Variants in NBPF15 observed in about 807,000 individuals in gnomAD.
The protein encoded by NBPF15 is NBPF family member NBPF15.
A neutral mutation model predicts 62.2 loss-of-function variants in NBPF15; 74 were observed. The ratio of observed to expected loss-of-function variants is 1.19; its 90% CI spans 0.99 to 1.44. The LOEUF is 1.44. NBPF15 is among the 40% of genes most tolerant of loss of function. NBPF15 has a pLI of 0.00. For synonymous variants in NBPF15, 244 were observed against 209.7 expected (o/e 1.16, Z -1.41); for missense variants, 790 against 550.0 (o/e 1.44, Z -4.36).
chr1:144,427,067 G>A lies in NBPF15; in HGVS notation c.1245C>T (p.Asp415=), dbSNP rs1486021967. ...EIEKYQEVEE[D]QDPSCPRLSR... ...GTTACCTGGGGCATGATGGGTCTTG[G>A]TCTTCTTCCACTTCTTGGTACTTTT... The change falls in exon 17 of 22, where the codon GAC becomes GAT. Residue 415 remains aspartate (D), a synonymous_variant. Coordinates refer to ENST00000581897, the MANE Select transcript of NBPF15 (RefSeq NM_001385408.1). 34 of 698,740 alleles carry A rather than the reference G, an allele frequency of 4.9e-5. No individual in the cohort carries two copies. Among genetic ancestry groups the A allele is most frequent in the African/African-American group, 8.1e-5 (4 of 49,462 alleles). The allele number at this position is 698,740 out of a possible 1,614,324, so 43.3% of individuals were successfully genotyped here.
Position 144,460,882 on chromosome 1 carries a change from C to T in NBPF15, c.-858G>A, listed in dbSNP as rs1157436592. The T allele has an allele frequency of 6.6e-6, 1 of 151,636 alleles. No individual in the cohort carries two copies. The highest frequency in any genetic ancestry group is 1.5e-5 in the Non-Finnish European group (1 of 67,960). 9.4% of individuals were successfully genotyped at this position (151,636 alleles called of 1,614,324 possible). The stretch of plus-strand genomic sequence containing the variant: ...TGAATTAGAGGCCTGCCCCGCTAGT[C>T]ATGAGGTGATTCAGTGACTGCTACA... On this transcript the variant is annotated 5_prime_UTR_variant, in exon 2 of 22. The change abolishes an upstream ATG in the 5' untranslated region. Transcript: ENST00000581897.
chr1:144,452,310 G>A (rs1691695816), intron 4 of NBPF15, among the ~76,000 whole-genome samples: 1 of 151,918 alleles, frequency 6.6e-6, no homozygotes, highest in South Asian at 2.1e-4. Context: ...CAGCACAGAT[G>A]AACCAATTCA....
intron 8 of NBPF15, among the ~76,000 whole-genome samples, chr1:144,438,690 C>G (rs1314159869): frequency 1.3e-5 from 2 of 151,894 alleles, no homozygotes; most frequent in African/African-American, 4.8e-5. Context: ...AATAAATGTT[C>G]TAGGAGATTG....
chr1:144,448,297 A>G (rs1247337456), intron 6 of NBPF15, among the ~76,000 whole-genome samples: 1 of 152,032 alleles, frequency 6.6e-6, no homozygotes, highest in Non-Finnish European at 1.5e-5. Flanking sequence ...TTTTGGAAGC[A>G]TGTATCCTAA....
intron 1 of NBPF15, among the ~76,000 whole-genome samples, 162 bp from the exon 2 acceptor site, chr1:144,461,123 C>T (rs1269811852): frequency 1.3e-4 from 20 of 151,802 alleles, no homozygotes; most frequent in Non-Finnish European, 2.5e-4. Flanking sequence ...TACACGAGGA[C>T]GTGCCCCCGA....
At chr1:144,453,620 GAACTA>G (rs1383060502) in intron 4 of NBPF15, among the ~76,000 whole-genome samples, 2 of 61,612 alleles carry the variant, frequency 3.2e-5, no homozygotes, top group Non-Finnish European at 6.4e-5. Context: ...AGAATTCTGA[GAACTA>G]AACAACACAA....
intron 4 of NBPF15, among the ~76,000 whole-genome samples, chr1:144,451,745 C>A (rs1306706134): frequency 4.6e-5 from 7 of 151,302 alleles, no homozygotes; most frequent in African/African-American, 1.7e-4. Context: ...GGTAGGGTTA[C>A]AGATTAACAG....
Position 144,439,848 on chromosome 1 carries a change from GGCCAGGAA to G in NBPF15, c.148_155del (p.Phe50GlnfsTer9). The G allele has an allele frequency of 1.9e-6, 3 of 1,606,290 alleles. No individual in the cohort carries two copies. The highest frequency in any genetic ancestry group is 2.6e-6 in the Non-Finnish European group (3 of 1,176,030). On this transcript the variant is annotated frameshift_variant, in exon 8 of 22. Coordinates refer to ENST00000581897, the MANE Select transcript of NBPF15 (RefSeq NM_001385408.1). LOFTEE classifies it high-confidence loss of function. ...TCTTACTGTATTTCTTCTGTCGGTT[GGCCAGGAA>G]GCCGGCCAGTTGAGTTAGAAAACAT...
intron 4 of NBPF15, among the ~76,000 whole-genome samples, chr1:144,453,729 C>CA (rs1692710015): frequency 7.0e-6 from 1 of 142,318 alleles, no homozygotes; most frequent in South Asian, 2.3e-4. Context: ...GAAAGATGCT[C>CA]AAAATCATTT....
chr1:144,458,818 T>A (rs1191233729), intron 3 of NBPF15, among the ~76,000 whole-genome samples: 1 of 151,806 alleles, frequency 6.6e-6, no homozygotes, highest in Non-Finnish European at 1.5e-5. Flanking sequence ...AGTGGGAAGA[T>A]TACTTGAGCC....
chr1:144,445,095 T>A (rs1686317559), intron 6 of NBPF15, among the ~76,000 whole-genome samples: 1 of 151,438 alleles, frequency 6.6e-6, no homozygotes, highest in African/African-American at 2.4e-5. Flanking sequence ...TTGCACTGAT[T>A]GATCTCCCTG....
At chr1:144,433,478 CA>C (rs1336081008) in intron 13 of NBPF15, among the ~76,000 whole-genome samples, 36 of 147,278 alleles carry the variant, frequency 2.4e-4, no homozygotes, top group Non-Finnish European at 5.4e-4. Flanking sequence ...GATAGAGACA[CA>C]AAAAACCCTT....
chr1:144,451,472 A>T (rs1286776139), intron 4 of NBPF15, among the ~76,000 whole-genome samples: 1 of 151,580 alleles, frequency 6.6e-6, no homozygotes, highest in Non-Finnish European at 1.5e-5. Context: ...GGGGACAGTC[A>T]GGTCTTTCCC....
intron 4 of NBPF15, among the ~76,000 whole-genome samples, chr1:144,456,216 A>C: frequency 7.0e-6 from 1 of 143,152 alleles, no homozygotes; most frequent in Admixed American, 6.9e-5. Flanking sequence ...AAGAGACGGA[A>C]ATGGGGGCAG....
Position 144,423,045 on chromosome 1 carries a change from C to G in NBPF15, c.1981G>C (p.Val661Leu), listed in dbSNP as rs782739043. The G allele has an allele frequency of 6.2e-7, 1 of 1,611,592 alleles. No homozygotes were observed. The highest frequency in any genetic ancestry group is 8.5e-7 in the Non-Finnish European group (1 of 1,179,618). Residue 661 changes from valine to leucine, a missense_variant, in exon 22 of 22, where the codon GTG becomes CTG. Physicochemically the swap from Val to Leu is conservative, Grantham distance 32. Transcript: ENST00000581897. Reference sequence around the variant, plus strand: ...GGGAATATGACTCCCATCTGGAACACCAGGTGGAGACTTGTCACCGTCAAA... The same window carrying G: ...GGGAATATGACTCCCATCTGGAACAGCAGGTGGAGACTTGTCACCGTCAAA... ...FTLTVTSLHLVFQMGVIFPQ is the reference protein window; with the variant it reads ...FTLTVTSLHLLFQMGVIFPQ
intron 6 of NBPF15, among the ~76,000 whole-genome samples, chr1:144,447,519 C>T (rs1451682635): frequency 6.6e-6 from 1 of 151,782 alleles, no homozygotes; most frequent in Admixed American, 6.6e-5. Context: ...CAAGTGTGCA[C>T]ACAGGGGAGC....
Position 144,445,669 on chromosome 1 carries a change from AATT to A in NBPF15, c.-191+3103_-191+3105del, listed in dbSNP as rs56054662. On this transcript the variant is annotated intron_variant, in intron 6 of 21. Coordinates refer to ENST00000581897, the MANE Select transcript of NBPF15 (RefSeq NM_001385408.1). ...AAATTTCTACCAAAATGCCGCTTGG[AATT>A]ATTATTAGAATTGCATTGGATCTGG... Among the ~76,000 whole-genome samples, 635 of 151,182 alleles carry A rather than the reference AATT, an allele frequency of 4.2e-3. 4 individuals carry two copies. The highest frequency in any genetic ancestry group is 0.015 in the African/African-American group (617 of 41,248).
rs1553539602 is a variant in NBPF15, at chr1:144,427,916, G to A, written c.1115C>T (p.Pro372Leu). ...QDSLDRCYSTPSGCLELTDSC... is the reference protein window; with the variant it reads ...QDSLDRCYSTLSGCLELTDSC... ...GTCAGTCAGTTCAAGACAACCTGAA[G>A]GAGTTGAATAACATCTATCCAGTGA... The change falls in exon 16 of 22, where the codon CCT becomes CTT. Residue 372 changes from proline (P) to leucine (L), a missense_variant. Transcript: ENST00000581897. 5 of 715,886 alleles carry A rather than the reference G, an allele frequency of 7.0e-6. 1 individual carries two copies. Among genetic ancestry groups the A allele is most frequent in the Middle Eastern group, 3.8e-4 (1 of 2,632 alleles). 44.3% of individuals were successfully genotyped at this position (715,886 alleles called of 1,614,324 possible). A position where few individuals can be genotyped will look rare whatever the true frequency, so the allele number is the denominator to read the frequency against.
At position 144,435,012 on chromosome 1, in the gene NBPF15, T is replaced by C. The variant is rs1434965101; in HGVS notation, c.772+99A>G. 9.0e-5 allele frequency: 144 copies of C among 1,607,020 alleles called. 1 individual carries two copies. Among genetic ancestry groups the C allele is most frequent in the Non-Finnish European group, 1.0e-4 (119 of 1,175,986 alleles). On this transcript the variant is annotated intron_variant, in intron 12 of 21. Transcript: ENST00000581897. ...ATATCTGTTTAGAAACCCATCACAGTTTTTTATTCAAATGAATTTGTGTTG... is the reference window on the plus strand; with the variant it reads ...ATATCTGTTTAGAAACCCATCACAGCTTTTTATTCAAATGAATTTGTGTTG...
Sources: allele counts gnomAD v4.1 joint callset (sites outside exome capture counted in the v4.1 genomes callset), GRCh38; gene constraint gnomAD v4.1.1; transcripts MANE v1.5; gene names NCBI Gene and HGNC (gene_info 2026-07-23, HGNC 2026-07-21).